LAMA1: variants seen among roughly 807,000 people sequenced by gnomAD.
LAMA1 encodes the protein laminin subunit alpha 1.
LAMA1 carries 219 observed loss-of-function variants against 348.7 expected under a neutral mutation model. The observed-to-expected ratio is 0.63, with a 90% CI of 0.56 to 0.70. LAMA1 has a LOEUF of 0.70. Among genes scored for constraint, LAMA1 ranks in the 30% least tolerant of loss-of-function variants. The probability of loss-of-function intolerance (pLI) is 0.00; values close to 1 mark genes in which losing one functional copy is unlikely to be tolerated. For missense variants in LAMA1, 3,744 were observed against 3,888.0 expected, an observed-to-expected ratio of 0.96 and a Z score of 0.99; for synonymous variants, 1,487 against 1,491.0, an observed-to-expected ratio of 1.00 and a Z score of 0.06.
In LAMA1 at chr18:7,046,265, T is replaced by A. The variant is rs752566354; in HGVS notation, c.858+13A>T. On this transcript the variant is annotated intron_variant, in intron 6 of 62. Coordinates refer to ENST00000389658, the MANE Select transcript of LAMA1 (RefSeq NM_005559.4). ...TTTGAAGTTTTAGTAAAATGTGAAA[T>A]ACTAGAACTCACCTTTGTAGTTTCA... 55 of 1,562,724 alleles carry A rather than the reference T, an allele frequency of 3.5e-5. No homozygotes were observed. The highest frequency in any genetic ancestry group is 4.9e-5 in the Non-Finnish European group (55 of 1,133,996).
At chr18:6,997,671 C>T in intron 33 of LAMA1, 71 bp downstream of exon 33, 2 of 1,486,354 alleles carry the variant, frequency 1.3e-6, no homozygotes, top group Non-Finnish European at 1.9e-6. Flanking sequence ...TGGAATGACT[C>T]CCACCATTCC....
At chr18:7,015,139 C>T (rs1278925374) in intron 22 of LAMA1, among the ~76,000 whole-genome samples, 3 of 152,192 alleles carry the variant, frequency 2.0e-5, no homozygotes, top group Non-Finnish European at 2.9e-5. Context: ...TGAGCCACCG[C>T]ACCCAGCCAT....
chr18:7,060,545 A>G (rs2058098403), intron 3 of LAMA1, among the ~76,000 whole-genome samples: 1 of 152,192 alleles, frequency 6.6e-6, no homozygotes, highest in African/African-American at 2.4e-5. Flanking sequence ...CTTAAAATTC[A>G]TGTCTCAGAC....
At chr18:6,961,340 G>GAAA (rs1265352387) in intron 53 of LAMA1, among the ~76,000 whole-genome samples, 6 of 152,180 alleles carry the variant, frequency 3.9e-5, no homozygotes, top group South Asian at 2.1e-4. Context: ...TAAAAAATTA[G>GAAA]AGGTAGACAG....
At chr18:6,970,405 T>G (rs1022310413) in intron 48 of LAMA1, among the ~76,000 whole-genome samples, 1 of 152,210 alleles carries the variant, frequency 6.6e-6, no homozygotes, top group Non-Finnish European at 1.5e-5. Flanking sequence ...TGTTGTGTGT[T>G]CATCACTGTG....
At chr18:6,976,613 T>G (rs532563836) in intron 44 of LAMA1, among the ~76,000 whole-genome samples, 90 of 151,608 alleles carry the variant, frequency 5.9e-4, no homozygotes, top group African/African-American at 2.1e-3. Context: ...TTTATTTATT[T>G]ATTTATTTAT....
chr18:6,955,670 T>A, intron 56 of LAMA1: 1 of 677,914 alleles, frequency 1.5e-6, no homozygotes, highest in Non-Finnish European at 2.7e-6. Flanking sequence ...ACTTAGAGCT[T>A]CTGTCTGTCA....
At chr18:7,031,525 A>G (rs540356785) in intron 16 of LAMA1, among the ~76,000 whole-genome samples, 67 of 152,058 alleles carry the variant, frequency 4.4e-4, no homozygotes, top group African/African-American at 1.3e-3. Context: ...ATTATGTAAT[A>G]TCATGATTTA....
intron 30 of LAMA1, among the ~76,000 whole-genome samples, chr18:7,000,560 C>A (rs1285922827): frequency 6.6e-6 from 1 of 152,216 alleles, no homozygotes; most frequent in Non-Finnish European, 1.5e-5. Context: ...ATGACAGAGC[C>A]TCTCAAAGTT....
chr18:7,097,179 G>A (rs1378271207), intron 1 of LAMA1, among the ~76,000 whole-genome samples: 1 of 151,800 alleles, frequency 6.6e-6, no homozygotes, highest in Non-Finnish European at 1.5e-5. Context: ...TTGTAATAAC[G>A]AGATCCTGGA....
At position 7,023,266 on chromosome 18, in the gene LAMA1, T is replaced by C; in HGVS notation, c.2599A>G (p.Thr867Ala). 2 of 1,614,072 alleles carry C rather than the reference T, an allele frequency of 1.2e-6. No homozygotes were observed. The highest frequency in any genetic ancestry group is 1.3e-5 in the African/African-American group (1 of 75,016). ...CCCAGGCACTTCAGGCACTCCCCGGTGACTGAGTCACAGTGACCAGCCTCC... is the reference window on the plus strand; with the variant it reads ...CCCAGGCACTTCAGGCACTCCCCGGCGACTGAGTCACAGTGACCAGCCTCC... ...PSEAGHCDSV[T>A]GECLKCLGNT... is the part of the protein sequence containing the mutation. The change falls in exon 19 of 63, where the codon ACC becomes GCC. Residue 867 changes from threonine (T) to alanine (A), a missense_variant. Physicochemically the swap from Thr to Ala is moderately conservative, Grantham distance 58. Around this residue, in one of 3 missense-constraint regions of LAMA1, gnomAD observed 1,529 missense variants for 1,689.4 expected, o/e 0.91. Transcript: ENST00000389658.
chr18:6,955,423 C>A lies in LAMA1; in HGVS notation c.8137G>T (p.Ala2713Ser), dbSNP rs372270046. The A allele has an allele frequency of 6.2e-7, 1 of 1,614,082 alleles. No homozygotes were observed. Among genetic ancestry groups the A allele is most frequent in the Non-Finnish European group, 8.5e-7 (1 of 1,180,010 alleles). Residue 2713 changes from alanine (A) to serine (S), a missense_variant, in exon 57 of 63, where the codon GCT (alanine) becomes TCT (serine). Ala to Ser is a moderately conservative substitution (Grantham distance 99, BLOSUM62 1). Transcript: ENST00000389658. ...TTTTGTGTGAGACCAAACTGGTGAG[C>A]GCCGGGAACGTACTCCAGAGCTGCA... ...VDAALEYVPG[A>S]HQFGLTQNSH...
Position 7,023,548 on chromosome 18 carries a change from G to A in LAMA1, c.2490-173C>T, listed in dbSNP as rs1005741011. 7.2e-5 allele frequency among the ~76,000 whole-genome samples: 11 copies of A among 152,090 alleles called. No homozygotes were observed. In the East Asian group the frequency reaches 1.7e-3, roughly 24 times the overall value. The stretch of plus-strand genomic sequence containing the variant: ...CATTCCCAGATCTCCTTCACCTGTC[G>A]CGGTGAAGGGGGAGAGCATCCAAAA... On this transcript the variant is annotated intron_variant, in intron 18 of 62. Coordinates refer to ENST00000389658, the MANE Select transcript of LAMA1 (RefSeq NM_005559.4).
At chr18:7,078,299 T>C (rs1817278525) in intron 3 of LAMA1, among the ~76,000 whole-genome samples, 2 of 151,430 alleles carry the variant, frequency 1.3e-5, no homozygotes, top group East Asian at 4.1e-4. Context: ...CCCGAGTAGC[T>C]GGGACTACAG....
At chr18:6,999,660 G>T in intron 31 of LAMA1, 22 bp from the exon 32 acceptor site, 2 of 1,581,638 alleles carry the variant, frequency 1.3e-6, no homozygotes, top group South Asian at 1.1e-5. Context: ...AAGGGACATA[G>T]GTGCAGACAG....
In LAMA1 at chr18:7,033,051, T is replaced by C; in HGVS notation, c.2096A>G (p.Asp699Gly). The C allele has an allele frequency of 6.2e-7, 1 of 1,612,368 alleles. No homozygotes were observed. The highest frequency in any genetic ancestry group is 8.5e-7 in the Non-Finnish European group (1 of 1,179,340). The change falls in exon 15 of 63, where the codon GAC becomes GGC. Residue 699 changes from aspartate (D) to glycine (G), a missense_variant. By Grantham distance (94) the Asp-to-Gly change is moderately conservative. Coordinates refer to ENST00000389658, the MANE Select transcript of LAMA1 (RefSeq NM_005559.4). ...SLDIASSNAIDLVVAADVEHC... is the reference protein window; with the variant it reads ...SLDIASSNAIGLVVAADVEHC... ...CTCCACATCAGCGGCCACCACCAGGTCGATGGCATTAGAGCTGGCTATGTC... is the reference window on the plus strand; with the variant it reads ...CTCCACATCAGCGGCCACCACCAGGCCGATGGCATTAGAGCTGGCTATGTC...
intron 3 of LAMA1, chr18:7,079,650 T>TC (rs1381372338): frequency 9.9e-6 from 4 of 405,522 alleles, no homozygotes; most frequent in Non-Finnish European, 1.8e-5. Flanking sequence ...TTTCCCCCTC[T>TC]CCCTCCCCAT....
At chr18:6,956,505 A>ACAGCTC (rs11270496) in intron 56 of LAMA1, 131 bp downstream of exon 56, 73 of 1,468,698 alleles carry the variant, frequency 5.0e-5, no homozygotes, top group East Asian at 3.0e-4. Context: ...GATTTTTAGC[A>ACAGCTC]CAGCTCCAGC....
chr18:7,084,767 G>C (rs1311731973), intron 1 of LAMA1, among the ~76,000 whole-genome samples: 1 of 152,168 alleles, frequency 6.6e-6, no homozygotes, highest in Non-Finnish European at 1.5e-5. Context: ...CGGCCACCAA[G>C]GTGGCAGACA....
Sources: gnomAD v4.1 joint callset for allele counts (sites outside exome capture counted in the v4.1 genomes callset) on GRCh38, gnomAD v4.1.1 for gene constraint, gnomAD v4.1.1 regional missense constraint, MANE v1.5 for transcripts, NCBI Gene and HGNC (gene_info 2026-07-23, HGNC 2026-07-21) for gene names.